The following CACNA1E variants were observed in gnomAD, a reference collection of about 807,000 sequenced individuals.
CACNA1E encodes the protein calcium voltage-gated channel subunit alpha1 E.
In CACNA1E, 40 loss-of-function variants were observed where a neutral mutation model predicts 259.2. The ratio of observed to expected loss-of-function variants is 0.15; its 90% CI spans 0.12 to 0.20. CACNA1E has a LOEUF of 0.20. Among genes scored for constraint, CACNA1E ranks in the 10% least tolerant of loss-of-function variants. The pLI is 1.00. For synonymous variants in CACNA1E, 1,104 were observed against 1,138.5 expected (o/e 0.97, Z 0.61); for missense variants, 1,874 against 3,040.1 (o/e 0.62, Z 9.02).
chr1:181,560,028 A>AT lies in CACNA1E; in HGVS notation c.513-17728dup, dbSNP rs202151248. 3.4e-4 allele frequency among the ~76,000 whole-genome samples: 51 copies of AT among 150,294 alleles called. 1 individual carries two copies. Among genetic ancestry groups the AT allele is most frequent in the Admixed American group, 8.0e-4 (12 of 15,054 alleles). ...GATCTCTAATGATTATGGAAGAGCT[A>AT]TTTTTTTTTTCTGTATTTGTTGACC... On this transcript the variant is annotated intron_variant, in intron 3 of 47. Coordinates refer to ENST00000367573, the MANE Select transcript of CACNA1E (RefSeq NM_001205293.3).
intron 17 of CACNA1E, 140 bp downstream of exon 17, chr1:181,724,677 G>C: frequency 1.5e-6 from 1 of 670,772 alleles, no homozygotes; most frequent in South Asian, 1.8e-5. Flanking sequence ...TGGACAGTTG[G>C]AGAGCCACAC....
At position 181,415,273 on chromosome 1, in the gene CACNA1E, G is replaced by A. The variant is rs138304546; in HGVS notation, c.434+1693G>A. On this transcript the variant is annotated intron_variant, in intron 2 of 11. Coordinates refer to the CACNA1E transcript ENST00000524607. ...TAGCTTTACCATGACTAGCAATGTG[G>A]AAATAACTTTTATGTCTCTAAGTTA... Among the ~76,000 whole-genome samples the A allele has an allele frequency of 3.8e-3, 584 of 152,246 alleles. 8 individuals are homozygous for A. The highest frequency in any genetic ancestry group is 0.012 in the African/African-American group (516 of 41,546).
At chr1:181,789,584 G>C (rs1661120655) in intron 43 of CACNA1E, among the ~76,000 whole-genome samples, 1 of 152,048 alleles carries the variant, frequency 6.6e-6, no homozygotes, top group East Asian at 1.9e-4. Context: ...GCATTCTTGA[G>C]CAGGTCAGAT....
At chr1:181,345,837 C>G (rs987055576) in intron 1 of CACNA1E, among the ~76,000 whole-genome samples, 2 of 152,138 alleles carry the variant, frequency 1.3e-5, no homozygotes, top group Non-Finnish European at 2.9e-5. Context: ...AGGCAGGAGT[C>G]GGGGCTCCAG....
At chr1:181,724,013 G>T (rs1056596961) in intron 16 of CACNA1E, among the ~76,000 whole-genome samples, 1 of 152,176 alleles carries the variant, frequency 6.6e-6, no homozygotes, top group Non-Finnish European at 1.5e-5. Context: ...CAGGGGTTGT[G>T]GGGGTAGGGC....
At position 181,805,034 on chromosome 1, in the gene CACNA1E, A is replaced by T. The variant is rs552809237; in HGVS notation, c.*6200A>T. The T allele has an allele frequency of 1.3e-5, 2 of 151,636 alleles. No homozygotes were observed. The highest frequency in any genetic ancestry group is 4.2e-4 in the South Asian group (2 of 4,800). 9.4% of individuals were successfully genotyped at this position (151,636 alleles called of 1,614,324 possible). A position where few individuals can be genotyped will look rare whatever the true frequency, so the allele number is the denominator to read the frequency against. On this transcript the variant is annotated 3_prime_UTR_variant, in exon 48 of 48. Coordinates refer to ENST00000367573, the MANE Select transcript of CACNA1E (RefSeq NM_001205293.3). ...TTGTGCAAACTTAAACCAGTCATAG[A>T]TTGTCACCCAGACATATTCTCCAAC... is the stretch of plus-strand genomic sequence containing the variant.
intron 6 of CACNA1E, among the ~76,000 whole-genome samples, chr1:181,638,371 A>G (rs1418906202): frequency 6.6e-6 from 1 of 152,238 alleles, no homozygotes; most frequent in African/African-American, 2.4e-5. Flanking sequence ...TGTTGTAAAT[A>G]CCAGCATCCA....
At chr1:181,480,775 G>C (rs1015999415), upstream of CACNA1E, among the ~76,000 whole-genome samples, 3 of 152,148 alleles carry the variant, frequency 2.0e-5, no homozygotes, top group African/African-American at 7.2e-5. Context: ...AAGCTTTCTG[G>C]CCTGCAAGGT....
rs1325818950 is a variant in CACNA1E, at chr1:181,558,530, G to A, written c.513-19236G>A. On this transcript the variant is annotated intron_variant, in intron 3 of 47. Coordinates refer to ENST00000367573, the MANE Select transcript of CACNA1E (RefSeq NM_001205293.3). ...GCAAGTGCATGCTGAACAGTGTTGA[G>A]GAGGAGCAGTTTAAACCTAGCCAGG... Among the ~76,000 whole-genome samples the A allele has an allele frequency of 2.0e-5, 3 of 152,196 alleles. No homozygotes were observed. The East Asian group carries it at 5.8e-4, about 29-fold the overall frequency.
intron 9 of CACNA1E, among the ~76,000 whole-genome samples, 169 bp from the exon 10 acceptor site, chr1:181,715,871 G>A (rs985883598): frequency 6.6e-6 from 1 of 152,166 alleles, no homozygotes; most frequent in Non-Finnish European, 1.5e-5. Context: ...TTTGCGGTCC[G>A]GTAGACATCC....
chr1:181,790,502 G>T lies in CACNA1E; in HGVS notation c.5844G>T (p.Gln1948His). ...MSPLSPQDIF[Q>H]LACMDPADDG... ...CACTCTCTCCCCAGGATATATTCCA[G>T]TTGGCTTGTATGGACCCCGCCGATG... The change falls in exon 44 of 48, where the codon CAG becomes CAT. Residue 1948 changes from glutamine to histidine, a missense_variant. Gln to His is a conservative substitution (Grantham distance 24). This residue lies in a region of CACNA1E where 542 missense variants were observed against 587.2 expected (regional missense o/e 0.92). Transcript: ENST00000367573. 1.2e-6 allele frequency: 2 copies of T among 1,613,700 alleles called. No individual in the cohort carries two copies. The highest frequency in any genetic ancestry group is 2.2e-5 in the South Asian group (2 of 91,078).
intron 37 of CACNA1E, among the ~76,000 whole-genome samples, chr1:181,775,782 T>G (rs1659921435): frequency 6.6e-6 from 1 of 152,182 alleles, no homozygotes; most frequent in Non-Finnish European, 1.5e-5. Context: ...AAATGGTCTG[T>G]CTGGTGCTAC....
intron 44 of CACNA1E, 40 bp downstream of exon 44, chr1:181,790,596 G>C (rs1358269327): frequency 1.7e-6 from 2 of 1,194,358 alleles, no homozygotes; most frequent in Non-Finnish European, 2.5e-6. Context: ...CTACTTCCTT[G>C]GTTTCCTGAT....
At chr1:181,407,424 A>T (rs1657544636) in intron 1 of CACNA1E, among the ~76,000 whole-genome samples, 3 of 152,346 alleles carry the variant, frequency 2.0e-5, no homozygotes, top group Middle Eastern at 6.8e-3. Context: ...TCTCAGGCTG[A>T]CACACTGCTT....
At chr1:181,609,779 G>A (rs1654575100) in intron 6 of CACNA1E, among the ~76,000 whole-genome samples, 1 of 152,148 alleles carries the variant, frequency 6.6e-6, no homozygotes, top group Non-Finnish European at 1.5e-5. Context: ...GCCTAGATTT[G>A]TAGATGACTA....
chr1:181,756,108 T>A lies in CACNA1E; in HGVS notation c.4127+15T>A. The A allele has an allele frequency of 1.9e-6, 3 of 1,600,684 alleles. No individual in the cohort carries two copies. In the South Asian group the frequency reaches 3.3e-5, roughly 18 times the overall value. On this transcript the variant is annotated intron_variant, in intron 29 of 47. Coordinates refer to ENST00000367573, the MANE Select transcript of CACNA1E (RefSeq NM_001205293.3). ...GGATGGCCTCAGTGAGTGATTGAGT[T>A]GTCATGCTTGTCTGTGGCTGTGATA...
chr1:181,772,855 G>A (rs568852683), intron 37 of CACNA1E, among the ~76,000 whole-genome samples: 20 of 152,272 alleles, frequency 1.3e-4, no homozygotes, highest in African/African-American at 4.8e-4. Context: ...TATATGTGGA[G>A]CATACCCACC....
chr1:181,318,152 T>C, intron 1 of CACNA1E: 1 of 152,042 alleles, frequency 6.6e-6, no homozygotes, highest in Non-Finnish European at 1.5e-5. Context: ...CTGCCAGAGA[T>C]GTGTCTGTCT....
chr1:181,577,876 A>G lies in CACNA1E; in HGVS notation c.616+7A>G, dbSNP rs1360944236. On this transcript the variant is annotated splice_region_variant and intron_variant, in intron 4 of 47. Transcript: ENST00000367573. The stretch of plus-strand genomic sequence containing the variant: ...CTCGTGTCAGGGATACCTAGTGAGC[A>G]TCTGCCATTCTTTCTGCTCTGCTAA... 6.3e-7 allele frequency: 1 copy of G among 1,583,270 alleles called. No individual in the cohort carries two copies. Among genetic ancestry groups the G allele is most frequent in the Non-Finnish European group, 8.7e-7 (1 of 1,155,732 alleles).
Sources: gnomAD v4.1 joint callset for allele counts (sites outside exome capture counted in the v4.1 genomes callset) on GRCh38, gnomAD v4.1.1 for gene constraint, gnomAD v4.1.1 regional missense constraint, MANE v1.5 for transcripts, NCBI Gene and HGNC (gene_info 2026-07-23, HGNC 2026-07-21) for gene names.